DENND5A: variants seen among roughly 807,000 people sequenced by gnomAD.
The protein encoded by DENND5A is DENN domain-containing protein 5A.
Under a neutral mutation model 140.3 loss-of-function variants are expected in DENND5A, and 64 were observed. That is an observed-to-expected ratio of 0.46 (90% confidence interval 0.37 to 0.56). The LOEUF (loss-of-function observed/expected upper bound fraction) is 0.56, where lower values mean the gene tolerates loss of function less well. DENND5A is among the 20% of genes least tolerant of loss of function. The probability of loss-of-function intolerance (pLI) is 0.00; values close to 1 mark genes in which losing one functional copy is unlikely to be tolerated. For synonymous variants in DENND5A, 605 were observed against 607.7 expected, an observed-to-expected ratio of 1.00 and a Z score of 0.07; for missense variants, 1,292 against 1,593.8, an observed-to-expected ratio of 0.81 and a Z score of 3.22.
intron 15 of DENND5A, among the ~76,000 whole-genome samples, chr11:9,149,661 G>A (rs987871317): frequency 2.0e-5 from 3 of 152,274 alleles, no homozygotes; most frequent in African/African-American, 2.4e-5. Context: ...TCCCGAGAGG[G>A]GTGAGGGGTA....
intron 11 of DENND5A, among the ~76,000 whole-genome samples, chr11:9,165,061 G>A (rs1380638383): frequency 2.0e-5 from 3 of 152,222 alleles, no homozygotes; most frequent in Non-Finnish European, 2.9e-5. Context: ...GTGCAATGGC[G>A]CGATCTCGGC....
chr11:9,184,244 T>C (rs1848829475), intron 5 of DENND5A, among the ~76,000 whole-genome samples: 1 of 151,982 alleles, frequency 6.6e-6, no homozygotes, highest in Non-Finnish European at 1.5e-5. Context: ...TCCCAGCTAC[T>C]TGGAAGGCTG....
At chr11:9,218,372 G>T (rs530446604) in intron 1 of DENND5A, among the ~76,000 whole-genome samples, 1 of 152,178 alleles carries the variant, frequency 6.6e-6, no homozygotes, top group South Asian at 2.1e-4. Context: ...TCAGAAGTAG[G>T]ACAAAATAAA....
In DENND5A at chr11:9,143,464, T is replaced by A. The variant is rs1344639378; in HGVS notation, c.3326A>T (p.Gln1109Leu). The A allele has an allele frequency of 1.2e-6, 2 of 1,614,070 alleles. No individual in the cohort carries two copies. Among genetic ancestry groups the A allele is most frequent in the African/African-American group, 2.7e-5 (2 of 74,946 alleles). ...NKPKLNTGQIQESIGEAVNGI... is the reference protein window; with the variant it reads ...NKPKLNTGQILESIGEAVNGI... Reference sequence around the variant, plus strand: ...ATTGACTGCCTCCCCGATGGACTCCTGGATCTGCCCAGTGTTCAGCTCTAA... The same window carrying A: ...ATTGACTGCCTCCCCGATGGACTCCAGGATCTGCCCAGTGTTCAGCTCTAA... Residue 1109 changes from glutamine (Q) to leucine (L), a missense_variant, in exon 20 of 23, where the codon CAG becomes CTG. Gln to Leu is a moderately radical substitution (Grantham distance 113, BLOSUM62 -2). Transcript: ENST00000328194.
At chr11:9,245,623 T>G (rs1049926487) in intron 1 of DENND5A, 1 of 151,754 alleles carries the variant, frequency 6.6e-6, no homozygotes, top group Non-Finnish European at 1.5e-5. Context: ...CAGCCTCTAT[T>G]TTTAATTTAA....
At chr11:9,141,188 C>T (rs1251671483) in intron 22 of DENND5A, among the ~76,000 whole-genome samples, 2 of 152,102 alleles carry the variant, frequency 1.3e-5, no homozygotes, top group East Asian at 3.8e-4. Flanking sequence ...AGCTGTCTTC[C>T]TACCAACTTC....
At chr11:9,263,531 C>T (rs1852301352) in intron 1 of DENND5A, among the ~76,000 whole-genome samples, 1 of 150,924 alleles carries the variant, frequency 6.6e-6, no homozygotes, top group African/African-American at 2.4e-5. Context: ...CACCGCGCCC[C>T]GCCTAATTTT....
At position 9,231,715 on chromosome 11, in the gene DENND5A, C is replaced by CAAAAAAAA. The variant is rs71062818; in HGVS notation, c.110-24091_110-24084dup. On this transcript the variant is annotated intron_variant, in intron 1 of 22. Transcript: ENST00000328194. ...GGGCAACAAGAGCGAAACTCCGTCT[C>CAAAAAAAA]AAAAAAAAAAAAAAAAAGACTCTGG... Among the ~76,000 whole-genome samples the CAAAAAAAA allele has an allele frequency of 4.8e-4, 38 of 78,964 alleles. 4 individuals carry two copies. The highest frequency in any genetic ancestry group is 5.2e-4 in the African/African-American group (11 of 21,168). 51.8% of individuals were successfully genotyped at this position (78,964 alleles called of 152,430 possible). A position where few individuals can be genotyped will look rare whatever the true frequency, so the allele number is the denominator to read the frequency against.
chr11:9,264,531 C>G (rs533644531), intron 1 of DENND5A, among the ~76,000 whole-genome samples: 1 of 152,242 alleles, frequency 6.6e-6, no homozygotes, highest in South Asian at 2.1e-4. Context: ...GTATCACAAG[C>G]TTCTTGGGAA....
At chr11:9,209,605 T>C (rs1849806007) in intron 1 of DENND5A, among the ~76,000 whole-genome samples, 2 of 152,166 alleles carry the variant, frequency 1.3e-5, no homozygotes, top group Non-Finnish European at 2.9e-5. Context: ...TGAATTAGAC[T>C]GGACCAGTAG....
Position 9,242,485 on chromosome 11 carries a change from G to A in DENND5A, c.109+22476C>T, listed in dbSNP as rs190414701. ...CACTTACACATCTTTGCAAACAAGT[G>A]CCCCATCACTAAGTTGGTCTTTCAA... On this transcript the variant is annotated intron_variant, in intron 1 of 22. Coordinates refer to ENST00000328194, the MANE Select transcript of DENND5A (RefSeq NM_015213.4). The A allele has an allele frequency of 3.4e-4, 52 of 152,252 alleles. 1 individual carries two copies. Among genetic ancestry groups the A allele is most frequent in the Admixed American group, 3.4e-3 (52 of 15,286 alleles). 9.4% of individuals were successfully genotyped at this position (152,252 alleles called of 1,614,324 possible). A position where few individuals can be genotyped will look rare whatever the true frequency, so the allele number is the denominator to read the frequency against.
chr11:9,207,596 T>A lies in DENND5A; in HGVS notation c.146A>T (p.Asp49Val). 7 of 1,613,494 alleles carry A rather than the reference T, an allele frequency of 4.3e-6. No homozygotes were observed. Among genetic ancestry groups the A allele is most frequent in the Non-Finnish European group, 5.9e-6 (7 of 1,179,558 alleles). Residue 49 changes from aspartate to valine, a missense_variant, in exon 2 of 23, where the codon GAT becomes GTT. Around this residue, in one of 4 missense-constraint regions of DENND5A, gnomAD observed 566 missense variants for 650.4 expected, o/e 0.87. Coordinates refer to ENST00000328194, the MANE Select transcript of DENND5A (RefSeq NM_015213.4). ...CQYIQASKAR[D>V]GASPFISSTT... is the part of the protein sequence containing the mutation. ...ACTTGAAATGAAAGGGCTGGCACCA[T>A]CCCTGGCTTTAGAAGCCTGTATGTA...
At chr11:9,227,957 C>T (rs949913584) in intron 1 of DENND5A, among the ~76,000 whole-genome samples, 8 of 151,260 alleles carry the variant, frequency 5.3e-5, no homozygotes, top group African/African-American at 1.9e-4. Flanking sequence ...ACTAAAAATA[C>T]AAAAAATTAG....
chr11:9,140,347 TA>T, intron 22 of DENND5A: 2 of 544,858 alleles, frequency 3.7e-6, no homozygotes. Context: ...ACATGGCTAG[TA>T]AATGGATAAC....
At chr11:9,218,270 CA>C (rs369552032) in intron 1 of DENND5A, among the ~76,000 whole-genome samples, 3 of 136,898 alleles carry the variant, frequency 2.2e-5, no homozygotes, top group East Asian at 2.1e-4. Flanking sequence ...AAAAAATAAA[CA>C]AAAAAAAAAC....
intron 1 of DENND5A, among the ~76,000 whole-genome samples, chr11:9,210,994 G>A (rs1814952862): frequency 6.6e-6 from 1 of 152,164 alleles, no homozygotes; most frequent in East Asian, 1.9e-4. Flanking sequence ...CTTTCCTGCA[G>A]ACAAGTATGA....
At chr11:9,262,948 A>C (rs1174642696) in intron 1 of DENND5A, among the ~76,000 whole-genome samples, 2 of 151,446 alleles carry the variant, frequency 1.3e-5, no homozygotes, top group African/African-American at 4.9e-5. Flanking sequence ...TCACCCTGTA[A>C]GCCCGGATGG....
intron 4 of DENND5A, 74 bp from the exon 5 acceptor site, chr11:9,193,755 G>T (rs1405205953): frequency 1.5e-6 from 2 of 1,300,174 alleles, no homozygotes; most frequent in East Asian, 2.4e-5. Flanking sequence ...CAAACAGTAA[G>T]TTAAAACTTT....
Position 9,178,963 on chromosome 11 carries a change from AT to A in DENND5A, c.1565del (p.Asn522IlefsTer68). On this transcript the variant is annotated frameshift_variant, in exon 7 of 23. Coordinates refer to ENST00000328194, the MANE Select transcript of DENND5A (RefSeq NM_015213.4). LOFTEE classifies it high-confidence loss of function. ...LNIQIREVFA[N>X]RFTQMFADYE... is the part of the protein sequence containing the mutation. Reference sequence around the variant, plus strand: ...AATCTGCAAACATCTGAGTGAAACGATTTGCAAAAACTTCCCGGATCTGAAT... The same window carrying A: ...AATCTGCAAACATCTGAGTGAAACGATTGCAAAAACTTCCCGGATCTGAAT... 6.2e-7 allele frequency: 1 copy of A among 1,614,118 alleles called. No individual in the cohort carries two copies. Among genetic ancestry groups the A allele is most frequent in the South Asian group, 1.1e-5 (1 of 91,082 alleles).
Sources: gnomAD v4.1 joint callset for allele counts (sites outside exome capture counted in the v4.1 genomes callset) on GRCh38, gnomAD v4.1.1 for gene constraint, gnomAD v4.1.1 regional missense constraint, MANE v1.5 for transcripts, NCBI Gene and HGNC (gene_info 2026-07-23, HGNC 2026-07-21) for gene names.